Variants in L3MBTL4 observed in about 807,000 individuals in gnomAD.
L3MBTL4 encodes the protein lethal(3)malignant brain tumor-like protein 4.
In L3MBTL4, 70 loss-of-function variants were observed where a neutral mutation model predicts 84.5. That is an observed-to-expected ratio of 0.83 (90% CI 0.68 to 1.01). L3MBTL4 has a LOEUF of 1.01. Ranked by LOEUF, L3MBTL4 falls within the 50% of genes least tolerant of loss-of-function variation. The pLI is 0.00. For synonymous variants in L3MBTL4, 274 were observed against 259.8 expected, an observed-to-expected ratio of 1.05 and a Z score of -0.52; for missense variants, 715 against 754.8, an observed-to-expected ratio of 0.95 and a Z score of 0.62.
chr18:6,053,523 T>C (rs919984620), intron 16 of L3MBTL4, among the ~76,000 whole-genome samples: 4 of 152,190 alleles, frequency 2.6e-5, no homozygotes, highest in Non-Finnish European at 5.9e-5. Context: ...CATCGCAACC[T>C]TGCACAAAGA....
intron 1 of L3MBTL4, among the ~76,000 whole-genome samples, chr18:6,387,224 G>A (rs1016299752): frequency 4.6e-4 from 70 of 152,122 alleles, no homozygotes; most frequent in African/African-American, 1.7e-3. Flanking sequence ...GAAACAGGAC[G>A]CCTTCACCTA....
At chr18:6,268,169 G>A (rs2048715892) in intron 4 of L3MBTL4, among the ~76,000 whole-genome samples, 1 of 152,144 alleles carries the variant, frequency 6.6e-6, no homozygotes, top group African/African-American at 2.4e-5. Flanking sequence ...ATTTTGGGAG[G>A]CCAAGGCGGT....
chr18:6,267,291 A>G (rs1447656734), intron 4 of L3MBTL4, among the ~76,000 whole-genome samples: 1 of 152,254 alleles, frequency 6.6e-6, no homozygotes, highest in Non-Finnish European at 1.5e-5. Flanking sequence ...AAGCATTTTA[A>G]TCATCAAATA....
At position 6,171,886 on chromosome 18, in the gene L3MBTL4, A is replaced by T; in HGVS notation, c.1038T>A (p.Pro346=). 1 of 1,557,440 alleles carries T rather than the reference A, an allele frequency of 6.4e-7. No individual in the cohort carries two copies. Reference sequence around the variant, plus strand: ...CACACCATCCGATCGGGTGGATATCAGGGCTGTCTGCCTCCACCCAGTAGT... The same window carrying T: ...CACACCATCCGATCGGGTGGATATCTGGGCTGTCTGCCTCCACCCAGTAGT... ...KYDYWVEADS[P]DIHPIGWCDV... The change falls in exon 13 of 19, where the codon CCT becomes CCA. Residue 346 remains proline, a synonymous_variant. Transcript: ENST00000317931.
intron 13 of L3MBTL4, among the ~76,000 whole-genome samples, chr18:6,145,936 C>T (rs754184616): frequency 2.0e-5 from 3 of 152,062 alleles, no homozygotes; most frequent in Non-Finnish European, 4.4e-5. Context: ...TAGGCAGATA[C>T]ATGAAGTGGG....
intron 1 of L3MBTL4, among the ~76,000 whole-genome samples, chr18:6,316,960 C>T (rs562600516): frequency 1.3e-5 from 2 of 152,140 alleles, no homozygotes; most frequent in Admixed American, 6.6e-5. Flanking sequence ...TGGCCTGAAG[C>T]TTTAACTATT....
chr18:6,238,179 C>T (rs2047296113), intron 9 of L3MBTL4, 139 bp from the exon 10 acceptor site: 1 of 740,598 alleles, frequency 1.4e-6, no homozygotes, highest in Non-Finnish European at 2.4e-6. Flanking sequence ...AAGGAATTTT[C>T]AGTACTGCAT....
chr18:6,408,735 G>GCAGTT lies in L3MBTL4; in HGVS notation c.-91+6061_-91+6065dup, dbSNP rs1205369448. Among the ~76,000 whole-genome samples, 3 of 150,716 alleles carry GCAGTT rather than the reference G, an allele frequency of 2.0e-5. No individual in the cohort carries two copies. The East Asian group carries it at 5.9e-4, about 29-fold the overall frequency. ...CTCGCTCTGTCACCTAGGCTAGAGT[G>GCAGTT]CAGTTGTGCAATCTCGGCTCACTGC... On this transcript the variant is annotated intron_variant, in intron 1 of 18. Transcript: ENST00000317931.
chr18:6,349,189 C>T (rs2053061503), intron 1 of L3MBTL4, among the ~76,000 whole-genome samples: 2 of 152,186 alleles, frequency 1.3e-5, no homozygotes, highest in Non-Finnish European at 2.9e-5. Context: ...AACAATTCTA[C>T]TCCTAGCTGT....
intron 15 of L3MBTL4, among the ~76,000 whole-genome samples, chr18:6,086,337 G>A (rs1214604089): frequency 1.3e-5 from 2 of 152,196 alleles, no homozygotes; most frequent in East Asian, 3.9e-4. Context: ...GTCACTGAAA[G>A]CCTGAGCCAA....
chr18:6,241,330 G>T (rs1253221989), intron 8 of L3MBTL4, 28 bp downstream of exon 8: 4 of 1,276,984 alleles, frequency 3.1e-6, no homozygotes, highest in African/African-American at 3.0e-5. Flanking sequence ...GGGGAAATTT[G>T]ATTTATGCTG....
Position 6,402,549 on chromosome 18 carries a change from G to T in L3MBTL4, c.-91+12252C>A, listed in dbSNP as rs1331841883. 2.6e-5 allele frequency among the ~76,000 whole-genome samples: 4 copies of T among 152,070 alleles called. 1 individual carries two copies. In the East Asian group the frequency reaches 7.7e-4, roughly 29 times the overall value. On this transcript the variant is annotated intron_variant, in intron 1 of 18. Coordinates refer to ENST00000317931, the MANE Select transcript of L3MBTL4 (RefSeq NM_001330559.2). ...TACAAGGCAGCCCATTCCAACTTTA[G>T]ACAACTTACTCACTTTAAGCTAAAA...
chr18:6,304,147 T>A (rs1442587999), intron 3 of L3MBTL4, among the ~76,000 whole-genome samples: 1 of 152,038 alleles, frequency 6.6e-6, no homozygotes, highest in Non-Finnish European at 1.5e-5. Flanking sequence ...ATGAAATAAA[T>A]ACTATTAATT....
chr18:6,102,563 ACTATCCC>A (rs2058867434), intron 14 of L3MBTL4, among the ~76,000 whole-genome samples: 1 of 152,232 alleles, frequency 6.6e-6, no homozygotes, highest in South Asian at 2.1e-4. Flanking sequence ...AAACTGGAGA[ACTATCCC>A]CATCCTGGAG....
At chr18:6,191,798 C>T (rs2045106822) in intron 12 of L3MBTL4, among the ~76,000 whole-genome samples, 1 of 152,014 alleles carries the variant, frequency 6.6e-6, no homozygotes, top group Non-Finnish European at 1.5e-5. Context: ...GACCAGCCTG[C>T]ACACCATAAT....
chr18:6,258,628 G>A (rs930247494), intron 5 of L3MBTL4: 2 of 152,252 alleles, frequency 1.3e-5, no homozygotes, highest in African/African-American at 4.8e-5. Context: ...AAAATCAGAT[G>A]GTGAGATTAA....
chr18:6,177,136 A>G (rs1273391259), intron 12 of L3MBTL4, among the ~76,000 whole-genome samples: 1 of 152,230 alleles, frequency 6.6e-6, no homozygotes, highest in Non-Finnish European at 1.5e-5. Flanking sequence ...TAATTCCAAC[A>G]AAAGTGATGA....
chr18:6,110,990 A>T (rs1229690160), intron 14 of L3MBTL4, among the ~76,000 whole-genome samples: 1 of 149,480 alleles, frequency 6.7e-6, no homozygotes, highest in Non-Finnish European at 1.5e-5. Flanking sequence ...CCCACCCCCC[A>T]GGTCCTATCT....
chr18:6,244,240 G>T (rs1227521815), intron 6 of L3MBTL4, among the ~76,000 whole-genome samples: 1 of 152,102 alleles, frequency 6.6e-6, no homozygotes, highest in Non-Finnish European at 1.5e-5. Context: ...GCAACCTCAA[G>T]TGAAAATTAT....
Sources: gnomAD v4.1 joint callset for allele counts (sites outside exome capture counted in the v4.1 genomes callset) on GRCh38, gnomAD v4.1.1 for gene constraint, MANE v1.5 for transcripts, NCBI Gene and HGNC (gene_info 2026-07-23, HGNC 2026-07-21) for gene names.